DNHD1: variants seen among roughly 807,000 people sequenced by gnomAD.
DNHD1 encodes the protein dynein heavy chain domain-containing protein 1.
In DNHD1, 383 loss-of-function variants were observed where a neutral mutation model predicts 458.1. The observed-to-expected ratio is 0.84, with a 90% CI of 0.77 to 0.91. The LOEUF (loss-of-function observed/expected upper bound fraction) is 0.91. DNHD1 is among the 40% of genes least tolerant of loss of function. DNHD1 has a pLI of 0.00. For missense variants in DNHD1, 5,336 were observed against 5,866.1 expected, an observed-to-expected ratio of 0.91 and a Z score of 2.95; for synonymous variants, 2,203 against 2,376.9, an observed-to-expected ratio of 0.93 and a Z score of 2.13.
Position 6,547,063 on chromosome 11 carries a change from C to T in DNHD1, c.6124C>T (p.Leu2042=). 1.3e-6 allele frequency: 2 copies of T among 1,551,722 alleles called. No individual in the cohort carries two copies. Among genetic ancestry groups the T allele is most frequent in the Non-Finnish European group, 1.7e-6 (2 of 1,146,996 alleles). Residue 2042 remains leucine (L), a synonymous_variant, in exon 21 of 43, where the codon CTG becomes TTG. Transcript: ENST00000254579. ...YPSGLSPQEF[L]GWLEGSCWHH... is the part of the protein sequence containing the mutation. The stretch of plus-strand genomic sequence containing the variant: ...CAGTGGCCTCAGCCCCCAGGAGTTC[C>T]TGGGATGGCTAGAGGGCTCCTGCTG...
At chr11:6,507,573 A>T (rs1852253712) in intron 4 of DNHD1, among the ~76,000 whole-genome samples, 1 of 152,170 alleles carries the variant, frequency 6.6e-6, no homozygotes, top group African/African-American at 2.4e-5. Context: ...ATTGGGAATG[A>T]GAAGAGTACT....
Position 6,533,796 on chromosome 11 carries a change from T to TTG in DNHD1, c.2621_2622insTG (p.Asp875GlyfsTer5). ...CTCTTTAGTGCTGAGAATGAAGCAC[T>TTG]GGACATCTCGGTGAGAAGGCAATTC... On this transcript the variant is annotated frameshift_variant, in exon 14 of 43. Transcript: ENST00000254579. LOFTEE classifies it high-confidence loss of function. 1.9e-6 allele frequency: 3 copies of TTG among 1,551,500 alleles called. No individual in the cohort carries two copies. Among genetic ancestry groups the TTG allele is most frequent in the Non-Finnish European group, 8.7e-7 (1 of 1,146,958 alleles).
Position 6,570,386 on chromosome 11 carries a change from G to A in DNHD1, c.13095G>A (p.Met4365Ile), listed in dbSNP as rs1564825831. The A allele has an allele frequency of 2.5e-6, 4 of 1,608,634 alleles. No individual in the cohort carries two copies. The highest frequency in any genetic ancestry group is 8.5e-7 in the Non-Finnish European group (1 of 1,177,706). ...CTCAGTCTTTGCTGGCCACGCTCAT[G>A]CCCCTCCCAGGTAAGCCTCACTCAG... The part of the protein sequence containing the change: ...HTPQSLLATL[M>I]PLPELRELDA... Residue 4365 changes from methionine to isoleucine, a missense_variant, in exon 41 of 43, where the codon ATG becomes ATA. By Grantham distance (10) the Met-to-Ile change is conservative (BLOSUM62 1). This residue lies in a region of DNHD1 where 698 missense variants were observed against 664.9 expected (regional missense o/e 1.05). Transcript: ENST00000254579.
chr11:6,548,159 T>A lies in DNHD1; in HGVS notation c.6906-51T>A. ...GTGGAGTGTGTGAGTGTGTCATAAA[T>A]GGAAGTGTTGTAACTGTCTGACGCT... On this transcript the variant is annotated intron_variant, in intron 22 of 42. Transcript: ENST00000254579. The surrounding 1 kb of genome is among the most constrained non-coding windows in gnomAD (Gnocchi z 4.4). 3.2e-6 allele frequency: 5 copies of A among 1,546,770 alleles called. No individual in the cohort carries two copies. The highest frequency in any genetic ancestry group is 4.4e-6 in the Non-Finnish European group (5 of 1,142,800).
chr11:6,502,568 C>G (rs192646695), intron 3 of DNHD1, among the ~76,000 whole-genome samples, 185 bp from the exon 4 acceptor site: 2 of 152,282 alleles, frequency 1.3e-5, no homozygotes, highest in South Asian at 2.1e-4. Flanking sequence ...TTCTATGATA[C>G]GCTATATTTG....
intron 39 of DNHD1, among the ~76,000 whole-genome samples, chr11:6,569,131 G>A (rs188493632): frequency 1.3e-5 from 2 of 152,306 alleles, no homozygotes; most frequent in East Asian, 1.9e-4. Context: ...TGTGGTTGAC[G>A]TGGACATGCT....
At position 6,557,458 on chromosome 11, in the gene DNHD1, C is replaced by A. The variant is rs1853491004; in HGVS notation, c.8163C>A (p.Ser2721Arg). Residue 2721 changes from serine (S) to arginine (R), a missense_variant, in exon 25 of 43, where the codon AGC becomes AGA. Physicochemically the swap from Ser to Arg is moderately radical, Grantham distance 110. Around this residue, in one of 4 missense-constraint regions of DNHD1, gnomAD observed 3,932 missense variants for 4,365.6 expected, o/e 0.90. Coordinates refer to ENST00000254579, the MANE Select transcript of DNHD1 (RefSeq NM_144666.3). ...AGTTGGCCCAGTGGGAGGACTTCAG[C>A]AACAGCAATAGTGAAACAGAGGAGG... is the stretch of plus-strand genomic sequence containing the variant. The part of the protein sequence containing the change: ...EGELAQWEDF[S>R]NSNSETEEEE... The A allele has an allele frequency of 3.9e-6, 6 of 1,551,652 alleles. No individual in the cohort carries two copies. Among genetic ancestry groups the A allele is most frequent in the Non-Finnish European group, 4.4e-6 (5 of 1,147,046 alleles).
At chr11:6,532,298 C>T (rs971656862) in intron 12 of DNHD1, among the ~76,000 whole-genome samples, 10 of 152,074 alleles carry the variant, frequency 6.6e-5, no homozygotes, top group African/African-American at 1.9e-4. Flanking sequence ...CTTCTTACAA[C>T]GGGATCTTAG....
At position 6,567,651 on chromosome 11, in the gene DNHD1, C is replaced by G; in HGVS notation, c.12142C>G (p.Arg4048Gly). Residue 4048 changes from arginine (R) to glycine (G), a missense_variant, in exon 36 of 43, where the codon CGA becomes GGA. By Grantham distance (125) the Arg-to-Gly change is moderately radical. Coordinates refer to ENST00000254579, the MANE Select transcript of DNHD1 (RefSeq NM_144666.3). ...GAAGCTGATCCTGTGGCGCGTTCTGCGACCTGAGTGCCTGGCAGGTGCCCT... is the reference window on the plus strand; with the variant it reads ...GAAGCTGATCCTGTGGCGCGTTCTGGGACCTGAGTGCCTGGCAGGTGCCCT... ...LQKLILWRVL[R>G]PECLAGALAD... 6.2e-7 allele frequency: 1 copy of G among 1,613,942 alleles called. No individual in the cohort carries two copies. Among genetic ancestry groups the G allele is most frequent in the Non-Finnish European group, 8.5e-7 (1 of 1,179,908 alleles).
At position 6,565,793 on chromosome 11, in the gene DNHD1, A is replaced by G; in HGVS notation, c.10855A>G (p.Lys3619Glu). The G allele has an allele frequency of 1.9e-6, 3 of 1,551,748 alleles. No homozygotes were observed. The highest frequency in any genetic ancestry group is 1.2e-5 in the South Asian group (1 of 84,060). Residue 3619 changes from lysine (K) to glutamate (E), a missense_variant, in exon 33 of 43, where the codon AAA (lysine) becomes GAA (glutamate). Physicochemically the swap from Lys to Glu is moderately conservative, Grantham distance 56. Transcript: ENST00000254579. ...EESNEAEDQTKEQKAEERKNE... is the reference protein window; with the variant it reads ...EESNEAEDQTEEQKAEERKNE... ...GAGTAATGAGGCTGAGGACCAGACA[A>G]AAGAGCAGAAGGCAGAGGAAAGAAA...
rs1853480862 is a variant in DNHD1 at position 6,557,149 on chromosome 11, C to A, written c.7854C>A (p.Asn2618Lys). 6.4e-7 allele frequency: 1 copy of A among 1,551,656 alleles called. No individual in the cohort carries two copies. The highest frequency in any genetic ancestry group is 8.7e-7 in the Non-Finnish European group (1 of 1,147,018). ...CCCGAGGTTTTGTGGACTATCCCAACCACCAGGAGCACTTGCGCCGGGTGT... is the reference window on the plus strand; with the variant it reads ...CCCGAGGTTTTGTGGACTATCCCAAACACCAGGAGCACTTGCGCCGGGTGT... ...TGSRGFVDYP[N>K]HQEHLRRVSG... is the part of the protein sequence containing the mutation. Residue 2618 changes from asparagine (N) to lysine (K), a missense_variant, in exon 25 of 43, where the codon AAC becomes AAA. Asn to Lys is a moderately conservative substitution (Grantham distance 94). Transcript: ENST00000254579.
At chr11:6,530,795 G>A (rs772776666) in intron 12 of DNHD1, among the ~76,000 whole-genome samples, 2 of 151,804 alleles carry the variant, frequency 1.3e-5, no homozygotes, top group Non-Finnish European at 2.9e-5. Context: ...TGATTGTTTT[G>A]TCTTCTCTCT....
intron 3 of DNHD1, among the ~76,000 whole-genome samples, 188 bp from the exon 4 acceptor site, chr11:6,502,565 A>T (rs1852159322): frequency 6.6e-6 from 1 of 152,186 alleles, no homozygotes; most frequent in East Asian, 1.9e-4. Flanking sequence ...GTGTTCTATG[A>T]TACGCTATAT....
chr11:6,498,115 C>A lies in DNHD1; in HGVS notation c.-101C>A. 1 of 1,514,210 alleles carries A rather than the reference C, an allele frequency of 6.6e-7. No individual in the cohort carries two copies. The highest frequency in any genetic ancestry group is 2.3e-5 in the East Asian group (1 of 44,242). 93.8% of individuals were successfully genotyped at this position (1,514,210 alleles called of 1,614,324 possible). A position where few individuals can be genotyped will look rare whatever the true frequency, so the allele number is the denominator to read the frequency against. On this transcript the variant is annotated 5_prime_UTR_variant, in exon 3 of 43. Transcript: ENST00000254579. The stretch of plus-strand genomic sequence containing the variant: ...TTCTCTGGCCCCTCTGCTGGGCTGG[C>A]CCATGCAGGTGAGGCCCCGCATCTG...
At chr11:6,551,932 C>A (rs1347472289) in intron 24 of DNHD1, among the ~76,000 whole-genome samples, 1 of 138,588 alleles carries the variant, frequency 7.2e-6, no homozygotes, top group Non-Finnish European at 1.5e-5. Context: ...CAGAGCGAGA[C>A]TCCGTCTCCA....
intron 12 of DNHD1, among the ~76,000 whole-genome samples, chr11:6,531,503 C>G (rs1242298940): frequency 6.6e-6 from 1 of 151,080 alleles, no homozygotes; most frequent in Non-Finnish European, 1.5e-5. Context: ...CCTGTTGCTA[C>G]TGGTCCAAAA....
Position 6,519,796 on chromosome 11 carries a change from A to C in DNHD1, c.1589A>C (p.Gln530Pro). Residue 530 changes from glutamine to proline, a missense_variant, in exon 8 of 43, where the codon CAG becomes CCG. Gln to Pro is a moderately conservative substitution (Grantham distance 76). Transcript: ENST00000254579. ...CGCCTGGTTGACTACATGATTTGTC[A>C]GAGCCTCATTTCTGTCTTGGAAGAG... ...FARLVDYMIC[Q>P]SLISVLEEQI... 6.2e-7 allele frequency: 1 copy of C among 1,613,576 alleles called. No individual in the cohort carries two copies. Among genetic ancestry groups the C allele is most frequent in the Non-Finnish European group, 8.5e-7 (1 of 1,180,038 alleles).
rs1157273480 is a variant in DNHD1 at position 6,539,218 on chromosome 11, G to T, written c.3326-1G>T. 1 of 1,548,788 alleles carries T rather than the reference G, an allele frequency of 6.5e-7. No individual in the cohort carries two copies. The highest frequency in any genetic ancestry group is 1.4e-5 in the African/African-American group (1 of 73,110). On this transcript the variant is annotated splice_acceptor_variant, in intron 16 of 42. Transcript: ENST00000254579. LOFTEE classifies it high-confidence loss of function. ...CTCTGACTTGTTTTCTCTACCTCCAGCCCTTGGGCTGGGCAGTCTCCAAAC... is the reference window on the plus strand; with the variant it reads ...CTCTGACTTGTTTTCTCTACCTCCATCCCTTGGGCTGGGCAGTCTCCAAAC...
chr11:6,539,778 C>A, intron 17 of DNHD1, 98 bp from the exon 18 acceptor site: 1 of 1,128,466 alleles, frequency 8.9e-7, no homozygotes, highest in Non-Finnish European at 1.3e-6. Flanking sequence ...GAGCCCTGGC[C>A]CTTGAGTTCT....
Sources: allele counts gnomAD v4.1 joint callset (sites outside exome capture counted in the v4.1 genomes callset), GRCh38; gene constraint gnomAD v4.1.1; regional missense constraint gnomAD v4.1.1; non-coding constraint Gnocchi (gnomAD v3.1); transcripts MANE v1.5; gene names NCBI Gene and HGNC (gene_info 2026-07-23, HGNC 2026-07-21).